The following FAF1 variants were observed in gnomAD, a reference collection of about 807,000 sequenced individuals.
FAF1 encodes Fas associated factor 1.
In FAF1, 25 loss-of-function variants were observed where a neutral mutation model predicts 92.5. That is an observed-to-expected ratio of 0.27 (90% CI 0.20 to 0.38). The LOEUF is 0.38. Ranked by LOEUF, FAF1 falls within the 10% of genes least tolerant of loss-of-function variation. FAF1 has a pLI of 1.00. For missense variants in FAF1, 636 were observed against 793.3 expected (o/e 0.80, Z 2.38); for synonymous variants, 234 against 273.2 (o/e 0.86, Z 1.42).
intron 4 of FAF1, among the ~76,000 whole-genome samples, chr1:50,770,937 C>T (rs1248590610): frequency 6.6e-6 from 1 of 151,950 alleles, no homozygotes; most frequent in African/African-American, 2.4e-5. Flanking sequence ...AATGGAGAGC[C>T]CAGAAATAAT....
chr1:50,901,483 C>A (rs1009037010), intron 1 of FAF1, among the ~76,000 whole-genome samples: 8 of 151,936 alleles, frequency 5.3e-5, no homozygotes, highest in African/African-American at 1.9e-4. Context: ...ATTGCTTGAG[C>A]CCAGGAGTTT....
intron 8 of FAF1, among the ~76,000 whole-genome samples, chr1:50,644,545 C>T (rs1654490488): frequency 6.6e-6 from 1 of 152,188 alleles, no homozygotes; most frequent in Non-Finnish European, 1.5e-5. Flanking sequence ...CAAAATATAG[C>T]CGCTGGAGCC....
chr1:50,550,585 CT>C (rs1649265162), intron 13 of FAF1, among the ~76,000 whole-genome samples: 2 of 152,042 alleles, frequency 1.3e-5, no homozygotes, highest in African/African-American at 2.4e-5. Flanking sequence ...GGCTCTTCCT[CT>C]AAACTTTATA....
At chr1:50,467,063 T>A (rs141126618) in intron 18 of FAF1, among the ~76,000 whole-genome samples, 1 of 152,292 alleles carries the variant, frequency 6.6e-6, no homozygotes, top group East Asian at 1.9e-4. Flanking sequence ...CTGCATGAAC[T>A]GCAGTATGAG....
chr1:50,536,001 C>T (rs904491504), intron 14 of FAF1, among the ~76,000 whole-genome samples: 3 of 152,158 alleles, frequency 2.0e-5, no homozygotes, highest in African/African-American at 4.8e-5. Context: ...GAGGCTGACT[C>T]GAAGCCTGTC....
At chr1:50,590,210 A>G (rs1310818147) in intron 9 of FAF1, among the ~76,000 whole-genome samples, 2 of 152,210 alleles carry the variant, frequency 1.3e-5, no homozygotes, top group Non-Finnish European at 2.9e-5. Flanking sequence ...AAAAACCACC[A>G]TTGGAATTTT....
chr1:50,867,930 C>T (rs1285725606), intron 1 of FAF1, among the ~76,000 whole-genome samples: 1 of 152,114 alleles, frequency 6.6e-6, no homozygotes, highest in Non-Finnish European at 1.5e-5. Flanking sequence ...ACCAGCCTAA[C>T]TTCCCATCAA....
intron 1 of FAF1, among the ~76,000 whole-genome samples, chr1:50,924,948 AC>A (rs1350202126): frequency 1.5e-4 from 23 of 152,304 alleles, no homozygotes; most frequent in Non-Finnish European, 5.9e-5. Context: ...GTGCCATTGC[AC>A]TCCAGCCTGG....
chr1:50,800,959 G>A (rs1324173012), intron 3 of FAF1, among the ~76,000 whole-genome samples: 1 of 152,300 alleles, frequency 6.6e-6, no homozygotes, highest in African/African-American at 2.4e-5. Flanking sequence ...ACTTTATAAA[G>A]TGTTCTTTAA....
intron 2 of FAF1, among the ~76,000 whole-genome samples, chr1:50,854,945 G>A (rs1644379273): frequency 6.6e-6 from 1 of 151,672 alleles, no homozygotes; most frequent in Admixed American, 6.6e-5. Context: ...GAAAGGAAAT[G>A]CTCGATGGAA....
At chr1:50,739,463 T>C (rs759365032) in intron 5 of FAF1, among the ~76,000 whole-genome samples, 6 of 152,156 alleles carry the variant, frequency 3.9e-5, no homozygotes, top group Non-Finnish European at 7.4e-5. Flanking sequence ...CATACACATA[T>C]ATAAAATGAA....
chr1:50,558,916 A>G (rs1022842999), intron 13 of FAF1, among the ~76,000 whole-genome samples: 8 of 152,188 alleles, frequency 5.3e-5, no homozygotes, highest in Non-Finnish European at 1.0e-4. Flanking sequence ...AGGCTCGTAA[A>G]TTGGTAATTT....
At chr1:50,454,272 T>A (rs918293574) in intron 18 of FAF1, among the ~76,000 whole-genome samples, 1 of 152,208 alleles carries the variant, frequency 6.6e-6, no homozygotes, top group African/African-American at 2.4e-5. Flanking sequence ...CTCAAATATG[T>A]CTTGTGCTTT....
chr1:50,748,313 T>C lies in FAF1; in HGVS notation c.368-3538A>G, dbSNP rs1005041475. On this transcript the variant is annotated intron_variant, in intron 4 of 18. Coordinates refer to ENST00000396153, the MANE Select transcript of FAF1 (RefSeq NM_007051.3). Reference sequence around the variant, plus strand: ...GAGTTCGAGACCAGCCTGCCCAACATGGTGAAACCCTGTCTCTACTAAAAA... The same window carrying C: ...GAGTTCGAGACCAGCCTGCCCAACACGGTGAAACCCTGTCTCTACTAAAAA... Among the ~76,000 whole-genome samples, 7 of 151,254 alleles carry C rather than the reference T, an allele frequency of 4.6e-5. No individual in the cohort carries two copies. The East Asian group carries it at 7.8e-4, about 17-fold the overall frequency.
intron 15 of FAF1, among the ~76,000 whole-genome samples, chr1:50,517,960 AATTTT>A (rs1371486278): frequency 9.2e-5 from 14 of 152,088 alleles, no homozygotes; most frequent in African/African-American, 2.4e-4. Context: ...TTTCCTTTTT[AATTTT>A]ATTTCCAAAT....
At chr1:50,615,403 T>C (rs553158200) in intron 8 of FAF1, among the ~76,000 whole-genome samples, 3 of 152,272 alleles carry the variant, frequency 2.0e-5, no homozygotes, top group African/African-American at 7.2e-5. Flanking sequence ...AATGGAACTG[T>C]TGGGTTGAAT....
At chr1:50,445,507 C>T (rs937261287) in intron 18 of FAF1, among the ~76,000 whole-genome samples, 2 of 152,118 alleles carry the variant, frequency 1.3e-5, no homozygotes, top group African/African-American at 4.8e-5. Context: ...ATGAGATGAT[C>T]CTGAAGTTGT....
chr1:50,727,741 C>A (rs1257808565), intron 6 of FAF1, among the ~76,000 whole-genome samples: 1 of 152,074 alleles, frequency 6.6e-6, no homozygotes, highest in Non-Finnish European at 1.5e-5. Flanking sequence ...GCAGACCCAC[C>A]CTCAATCTGG....
intron 8 of FAF1, among the ~76,000 whole-genome samples, chr1:50,601,718 C>CTA (rs774335535): frequency 2.8e-5 from 4 of 145,418 alleles, no homozygotes; most frequent in Non-Finnish European, 6.0e-5. Context: ...CACACACACA[C>CTA]TATATATATT....
Sources: allele counts gnomAD v4.1 joint callset (sites outside exome capture counted in the v4.1 genomes callset), GRCh38; gene constraint gnomAD v4.1.1; transcripts MANE v1.5; gene names NCBI Gene and HGNC (gene_info 2026-07-23, HGNC 2026-07-21).